SLC8A1: variants seen among roughly 807,000 people sequenced by gnomAD.
SLC8A1 encodes the protein sodium/calcium exchanger 1.
Under a neutral mutation model 68.3 loss-of-function variants are expected in SLC8A1, and 18 were observed. That is an observed-to-expected ratio of 0.26 (90% confidence interval 0.18 to 0.39). The LOEUF (loss-of-function observed/expected upper bound fraction) is 0.39, where lower values mean the gene tolerates loss of function less well. Among genes scored for constraint, SLC8A1 ranks in the 10% least tolerant of loss-of-function variants. The pLI is 1.00. For missense variants in SLC8A1, 985 were observed against 1,156.7 expected, an observed-to-expected ratio of 0.85 and a Z score of 2.15; for synonymous variants, 475 against 415.5, an observed-to-expected ratio of 1.14 and a Z score of -1.74.
intron 2 of SLC8A1, among the ~76,000 whole-genome samples, chr2:40,394,130 A>T (rs932263472): frequency 6.6e-6 from 1 of 152,052 alleles, no homozygotes; most frequent in Non-Finnish European, 1.5e-5. Flanking sequence ...AAGAAGAATG[A>T]CCTGGGCTAA....
chr2:40,424,140 G>T (rs1023216895), intron 2 of SLC8A1, among the ~76,000 whole-genome samples: 16 of 151,888 alleles, frequency 1.1e-4, no homozygotes, highest in African/African-American at 3.6e-4. Context: ...GCAGAAATTA[G>T]TATGTGCTAA....
intron 2 of SLC8A1, among the ~76,000 whole-genome samples, chr2:40,286,401 T>A (rs1237615820): frequency 6.6e-6 from 1 of 152,138 alleles, no homozygotes; most frequent in Non-Finnish European, 1.5e-5. Context: ...ACCATTTATT[T>A]TGAGAGGTAA....
intron 1 of SLC8A1, among the ~76,000 whole-genome samples, chr2:40,502,424 A>AT (rs1344406835): frequency 5.3e-5 from 8 of 152,032 alleles, no homozygotes; most frequent in Non-Finnish European, 1.0e-4. Flanking sequence ...CTTAGTCATC[A>AT]TTTTGTACAC....
chr2:40,411,217 C>A (rs1369649405), intron 2 of SLC8A1, among the ~76,000 whole-genome samples: 2 of 151,996 alleles, frequency 1.3e-5, no homozygotes, highest in African/African-American at 2.4e-5. Flanking sequence ...CTATTCAAAT[C>A]TACGCACATT....
intron 2 of SLC8A1, among the ~76,000 whole-genome samples, chr2:40,406,500 G>A (rs1182469679): frequency 2.0e-5 from 3 of 152,188 alleles, no homozygotes; most frequent in Non-Finnish European, 4.4e-5. Context: ...ATCAAAGTCT[G>A]CAGCTTTTCA....
chr2:40,303,075 T>C (rs545243683), intron 2 of SLC8A1, among the ~76,000 whole-genome samples: 7 of 152,348 alleles, frequency 4.6e-5, no homozygotes, highest in Non-Finnish European at 7.3e-5. Context: ...GCAAAATGAA[T>C]TGAATCTGTA....
At chr2:40,112,247 A>G (rs1411557126) in exon 8 of SLC8A1, 1 of 152,626 alleles carries the variant, frequency 6.6e-6, no homozygotes, top group Admixed American at 6.6e-5. Flanking sequence ...CTGTATCACT[A>G]GTGATTAAAT....
chr2:40,415,859 TACAC>T (rs70957173), intron 2 of SLC8A1, among the ~76,000 whole-genome samples: 15,599 of 113,264 alleles, frequency 0.14, 1,060 homozygotes, highest in Non-Finnish European at 0.18. Flanking sequence ...ACTAAAAGTA[TACAC>T]ACACACACAC....
At chr2:40,252,941 ACATATATACATATGTGTGTATATGTATG>A (rs2063081321) in intron 2 of SLC8A1, among the ~76,000 whole-genome samples, 1 of 141,604 alleles carries the variant, frequency 7.1e-6, no homozygotes, top group Non-Finnish European at 1.5e-5. Context: ...ATATGTATGT[ACATATATACATATGTGTGTATATGTATG>A]TACATATATG....
intron 2 of SLC8A1, among the ~76,000 whole-genome samples, chr2:40,238,919 T>TTAAATGAACATATGTATA (rs1193516347): frequency 6.6e-6 from 1 of 152,198 alleles, no homozygotes; most frequent in African/African-American, 2.4e-5. Context: ...CAGTAACCTT[T>TTAAATGAACATATGTATA]TAAATGAACA....
Position 40,426,093 on chromosome 2 carries a change from G to A in SLC8A1, c.1808+2380C>T, listed in dbSNP as rs1417195165. ...AACAGACCTATTTAGCATCTACAAA[G>A]CTTGTCAGTAATACAACTCTACGAA... On this transcript the variant is annotated intron_variant, in intron 2 of 7. Transcript: ENST00000406785. Among the ~76,000 whole-genome samples the A allele has an allele frequency of 2.0e-5, 3 of 151,870 alleles. No individual in the cohort carries two copies. In the South Asian group the frequency reaches 6.2e-4, roughly 31 times the overall value.
At chr2:40,445,020 T>G (rs1701182217) in intron 1 of SLC8A1, among the ~76,000 whole-genome samples, 1 of 152,236 alleles carries the variant, frequency 6.6e-6, no homozygotes, top group African/African-American at 2.4e-5. Flanking sequence ...AACAAGGCTC[T>G]CTCTCACCAT....
chr2:40,247,739 A>G (rs188355400), intron 2 of SLC8A1, among the ~76,000 whole-genome samples: 3 of 152,238 alleles, frequency 2.0e-5, no homozygotes, highest in Non-Finnish European at 4.4e-5. Flanking sequence ...TTACAAGAGG[A>G]AAGGGACTTA....
At chr2:40,350,587 C>CAAAAAAAAAAAAA (rs572258156) in intron 2 of SLC8A1, among the ~76,000 whole-genome samples, 7 of 76,222 alleles carry the variant, frequency 9.2e-5, no homozygotes, top group African/African-American at 1.8e-4. Context: ...CCCAGACAAG[C>CAAAAAAAAAAAAA]AAAAAAAAAA....
chr2:40,313,108 C>G (rs1335333249), intron 2 of SLC8A1, among the ~76,000 whole-genome samples: 2 of 152,012 alleles, frequency 1.3e-5, no homozygotes, highest in Admixed American at 1.3e-4. Flanking sequence ...TATTCCCTCT[C>G]CAAGTAATCA....
chr2:40,243,862 A>G (rs2061513471), intron 2 of SLC8A1, among the ~76,000 whole-genome samples: 1 of 152,124 alleles, frequency 6.6e-6, no homozygotes, highest in Non-Finnish European at 1.5e-5. Context: ...CTTCCCTCTG[A>G]TGAGTCTAAG....
chr2:40,143,523 T>G (rs1001499162), intron 6 of SLC8A1, among the ~76,000 whole-genome samples: 1 of 152,226 alleles, frequency 6.6e-6, no homozygotes, highest in Admixed American at 6.5e-5. Flanking sequence ...TCTTTTCAGC[T>G]AATGGAAAAT....
At chr2:40,465,622 A>C (rs1015091127) in intron 1 of SLC8A1, among the ~76,000 whole-genome samples, 7 of 152,148 alleles carry the variant, frequency 4.6e-5, no homozygotes, top group Admixed American at 1.3e-4. Flanking sequence ...GTTACCATTT[A>C]TTTCCCTTGT....
intron 2 of SLC8A1, among the ~76,000 whole-genome samples, chr2:40,384,626 A>G (rs1001897699): frequency 6.6e-6 from 1 of 152,032 alleles, no homozygotes. Flanking sequence ...AAGATATTAT[A>G]GTTGTATTTT....
Sources: allele counts gnomAD v4.1 joint callset (sites outside exome capture counted in the v4.1 genomes callset), GRCh38; gene constraint gnomAD v4.1.1; transcripts MANE v1.5; gene names NCBI Gene and HGNC (gene_info 2026-07-23, HGNC 2026-07-21).